The following CFAP69 variants were observed in gnomAD, a reference collection of about 807,000 sequenced individuals.
CFAP69 encodes the protein cilia and flagella associated protein 69.
In CFAP69, 92 loss-of-function variants were observed where a neutral mutation model predicts 123.0. That is an observed-to-expected ratio of 0.75 (90% CI 0.63 to 0.89). CFAP69 has a LOEUF of 0.89. Among genes scored for constraint, CFAP69 ranks in the 40% least tolerant of loss-of-function variants. The pLI, the probability that CFAP69 is intolerant of heterozygous loss-of-function variation, is 0.00. For synonymous variants in CFAP69, 380 were observed against 364.3 expected (o/e 1.04, Z -0.49); for missense variants, 1,067 against 1,096.9 (o/e 0.97, Z 0.39).
At position 90,307,064 on chromosome 7, in the gene CFAP69, A is replaced by T; in HGVS notation, c.2429A>T (p.Gln810Leu). ...GATATAATTGAAAGCCAAGCATGCC[A>T]AGACATGCAAAATGAACAAAAAGTA... Reference protein sequence around the residue: ...QSDIIESQACQDMQNEQKVYA... With the variant: ...QSDIIESQACLDMQNEQKVYA... The change falls in exon 20 of 23, where the codon CAA becomes CTA. Residue 810 changes from glutamine (Q) to leucine (L), a missense_variant. Coordinates refer to ENST00000389297, the MANE Select transcript of CFAP69 (RefSeq NM_001039706.3). 1 of 1,611,772 alleles carries T rather than the reference A, an allele frequency of 6.2e-7. No individual in the cohort carries two copies. The highest frequency in any genetic ancestry group is 8.5e-7 in the Non-Finnish European group (1 of 1,179,420).
intron 6 of CFAP69, 106 bp from the exon 7 acceptor site, chr7:90,271,420 T>A: frequency 8.1e-7 from 1 of 1,239,142 alleles, no homozygotes; most frequent in Non-Finnish European, 1.1e-6. Flanking sequence ...CCATATACTT[T>A]TAAAAAGTTT....
intron 6 of CFAP69, among the ~76,000 whole-genome samples, 184 bp downstream of exon 6, chr7:90,268,568 G>T (rs918452271): frequency 1.3e-5 from 2 of 151,998 alleles, no homozygotes; most frequent in African/African-American, 2.4e-5. Context: ...TTCAGTTTTT[G>T]ATTTGCATAT....
At position 90,306,913 on chromosome 7, in the gene CFAP69, T is replaced by C. The variant is rs768947250; in HGVS notation, c.2278T>C (p.Trp760Arg). The change falls in exon 20 of 23, where the codon TGG becomes CGG. Residue 760 changes from tryptophan to arginine, a missense_variant. Physicochemically the swap from Trp to Arg is moderately radical, Grantham distance 101. Transcript: ENST00000389297. ...TTTGTTATAACAGATTGGAGAAATA[T>C]GGAATGAAATATATGAAGAAATAAA... ...RYLDFKIGEIWNEIYEEIKLE... is the reference protein window; with the variant it reads ...RYLDFKIGEIRNEIYEEIKLE... 2 of 1,509,478 alleles carry C rather than the reference T, an allele frequency of 1.3e-6. No homozygotes were observed. Among genetic ancestry groups the C allele is most frequent in the Non-Finnish European group, 1.8e-6 (2 of 1,097,712 alleles). 93.5% of individuals were successfully genotyped at this position (1,509,478 alleles called of 1,614,324 possible).
At chr7:90,305,065 G>T (rs755955343) in intron 19 of CFAP69, among the ~76,000 whole-genome samples, 8 of 152,012 alleles carry the variant, frequency 5.3e-5, no homozygotes, top group Non-Finnish European at 1.0e-4. Flanking sequence ...GATATAAGCC[G>T]GGCACGGTGG....
intron 13 of CFAP69, among the ~76,000 whole-genome samples, chr7:90,284,634 G>A (rs867530007): frequency 6.6e-6 from 1 of 152,160 alleles, no homozygotes. Flanking sequence ...AGAGGCTTGG[G>A]TAGTTTTCAA....
At chr7:90,301,494 T>C in intron 17 of CFAP69, 1 of 152,106 alleles carries the variant, frequency 6.6e-6, no homozygotes, top group East Asian at 1.9e-4. Flanking sequence ...CTCTACCATC[T>C]AATAGGCCTC....
intron 3 of CFAP69, among the ~76,000 whole-genome samples, chr7:90,258,728 C>A (rs1449524341): frequency 6.6e-6 from 1 of 152,162 alleles, no homozygotes; most frequent in Non-Finnish European, 1.5e-5. Context: ...ACTGGAGAGG[C>A]CATTATTCTG....
chr7:90,257,524 A>G (rs1336664339), intron 2 of CFAP69, among the ~76,000 whole-genome samples: 4 of 152,210 alleles, frequency 2.6e-5, no homozygotes, highest in Non-Finnish European at 5.9e-5. Context: ...TTGCTAACAA[A>G]TATTCACTAA....
At chr7:90,288,751 G>A (rs1250702643) in intron 15 of CFAP69, among the ~76,000 whole-genome samples, 3 of 152,100 alleles carry the variant, frequency 2.0e-5, no homozygotes, top group Non-Finnish European at 4.4e-5. Flanking sequence ...TGAGTGAATG[G>A]GGAATGAATG....
chr7:90,320,644 T>C, the CFAP69 span: 2 of 152,178 alleles, frequency 1.3e-5, no homozygotes, highest in Non-Finnish European at 2.9e-5. Context: ...CGGGGAGGGA[T>C]AGGGAGAGGA....
chr7:90,291,552 C>A (rs17865356), intron 15 of CFAP69, among the ~76,000 whole-genome samples: 3,002 of 152,246 alleles, frequency 0.02, 98 homozygotes, highest in East Asian at 0.11. Flanking sequence ...TTTACCCAGG[C>A]CCTATTCAAG....
At chr7:90,294,582 A>G (rs1227863297) in intron 15 of CFAP69, among the ~76,000 whole-genome samples, 1 of 152,182 alleles carries the variant, frequency 6.6e-6, no homozygotes, top group Non-Finnish European at 1.5e-5. Context: ...ACAAGGTTAC[A>G]AGGTCAAGCT....
the CFAP69 span, chr7:90,318,589 A>G: frequency 6.6e-6 from 1 of 152,206 alleles, no homozygotes; most frequent in South Asian, 2.1e-4. Flanking sequence ...AATTGGTTAC[A>G]ATTTTATTCC....
chr7:90,259,470 GTGTT>G (rs71526680), intron 3 of CFAP69, among the ~76,000 whole-genome samples: 41,403 of 126,672 alleles, frequency 0.33, 6,189 homozygotes, highest in Non-Finnish European at 0.41. Flanking sequence ...TTGTTTTGGG[GTGTT>G]TGTTTGTTTG....
chr7:90,272,221 A>G, intron 8 of CFAP69: 1 of 295,404 alleles, frequency 3.4e-6, no homozygotes, highest in Non-Finnish European at 6.2e-6. Flanking sequence ...TAGACTTTAG[A>G]AGAACTATTT....
At chr7:90,289,123 T>C (rs1790727587) in intron 15 of CFAP69, among the ~76,000 whole-genome samples, 1 of 152,060 alleles carries the variant, frequency 6.6e-6, no homozygotes, top group African/African-American at 2.4e-5. Context: ...AATATTTGTG[T>C]GCATATATTT....
chr7:90,299,531 T>C (rs1466859227), intron 16 of CFAP69, among the ~76,000 whole-genome samples: 1 of 152,166 alleles, frequency 6.6e-6, no homozygotes, highest in Non-Finnish European at 1.5e-5. Flanking sequence ...CAGTGAACTC[T>C]GTATAACACT....
chr7:90,294,742 C>T (rs529381505), intron 15 of CFAP69, among the ~76,000 whole-genome samples: 14 of 152,352 alleles, frequency 9.2e-5, no homozygotes, highest in African/African-American at 3.1e-4. Context: ...AGGTACCCCT[C>T]TTTATGACAG....
Position 90,307,840 on chromosome 7 carries a change from G to T in CFAP69, c.2536G>T (p.Ala846Ser), listed in dbSNP as rs1260822682. 6.2e-7 allele frequency: 1 copy of T among 1,608,572 alleles called. No homozygotes were observed. The highest frequency in any genetic ancestry group is 2.2e-5 in the East Asian group (1 of 44,724). Residue 846 changes from alanine to serine, a missense_variant, in exon 21 of 23, where the codon GCT (alanine) becomes TCT (serine). Physicochemically the swap from Ala to Ser is moderately conservative, Grantham distance 99 (BLOSUM62 1). Coordinates refer to ENST00000389297, the MANE Select transcript of CFAP69 (RefSeq NM_001039706.3). ...AGATTTCTTGGCTAGAACATCAAACGCTAAAACGTTAAAGGTAGGATTTTT... is the reference window on the plus strand; with the variant it reads ...AGATTTCTTGGCTAGAACATCAAACTCTAAAACGTTAAAGGTAGGATTTTT... The part of the protein sequence containing the change: ...WEDFLARTSN[A>S]KTLKKAKSLQ...
Sources: allele counts gnomAD v4.1 joint callset (sites outside exome capture counted in the v4.1 genomes callset), GRCh38; gene constraint gnomAD v4.1.1; transcripts MANE v1.5; gene names NCBI Gene and HGNC (gene_info 2026-07-23, HGNC 2026-07-21).